Variants in GRIN2A observed in about 807,000 individuals in gnomAD.
The protein encoded by GRIN2A is glutamate receptor ionotropic, NMDA 2A.
In GRIN2A, 22 loss-of-function variants were observed where a neutral mutation model predicts 113.4. The ratio of observed to expected loss-of-function variants is 0.19; its 90% CI spans 0.14 to 0.28. The LOEUF (loss-of-function observed/expected upper bound fraction) is 0.28. Ranked by LOEUF, GRIN2A falls within the 10% of genes least tolerant of loss-of-function variation. GRIN2A has a pLI of 1.00. For missense variants in GRIN2A, 1,502 were observed against 1,887.0 expected (o/e 0.80, Z 3.78); for synonymous variants, 827 against 738.4 (o/e 1.12, Z -1.94).
rs145704068 is a variant in GRIN2A, at chr16:10,170,630, C to A, written c.414+9368G>T. Among the ~76,000 whole-genome samples the A allele has an allele frequency of 9.3e-3, 1,420 of 152,246 alleles. 18 individuals are homozygous for A. Among genetic ancestry groups the A allele is most frequent in the African/African-American group, 0.033 (1,355 of 41,528 alleles). On this transcript the variant is annotated intron_variant, in intron 2 of 12. Coordinates refer to ENST00000330684, the MANE Select transcript of GRIN2A (RefSeq NM_001134407.3). ...GTGGCTTATGCCTGTAATACCAGCA[C>A]TTTGGGAGGCCAAGGGAAGAGGATT...
chr16:10,008,770 T>G (rs908484193), intron 2 of GRIN2A, among the ~76,000 whole-genome samples: 1 of 152,250 alleles, frequency 6.6e-6, no homozygotes, highest in Admixed American at 6.5e-5. Context: ...TCACCATGGA[T>G]GCACATTCCA....
At chr16:10,112,127 G>T in intron 2 of GRIN2A, 1 of 595,560 alleles carries the variant, frequency 1.7e-6, no homozygotes, top group Admixed American at 2.3e-5. Flanking sequence ...GGGCAGCTGT[G>T]GGCACCCATG....
chr16:10,089,491 G>T (rs2048145023), intron 2 of GRIN2A, among the ~76,000 whole-genome samples: 1 of 152,156 alleles, frequency 6.6e-6, no homozygotes, highest in Non-Finnish European at 1.5e-5. Flanking sequence ...CAGGAGGGCA[G>T]TTGATACAGG....
intron 2 of GRIN2A, among the ~76,000 whole-genome samples, chr16:9,985,197 A>G (rs2045958215): frequency 6.6e-6 from 1 of 152,228 alleles, no homozygotes; most frequent in South Asian, 2.1e-4. Context: ...GTCATCAGTA[A>G]GAACAAACCT....
intron 2 of GRIN2A, among the ~76,000 whole-genome samples, chr16:10,009,719 T>A (rs8044069): frequency 0.019 from 2,934 of 151,162 alleles, 106 homozygotes; most frequent in African/African-American, 0.068. Context: ...TCACCCTCAG[T>A]GTTCCCAGTG....
At chr16:9,940,034 GAGAGAGAA>G (rs2044827429) in intron 2 of GRIN2A, among the ~76,000 whole-genome samples, 2 of 137,748 alleles carry the variant, frequency 1.5e-5, no homozygotes, top group Non-Finnish European at 3.3e-5. Flanking sequence ...GAGAGAGAGA[GAGAGAGAA>G]AGAGAGAGAG....
intron 5 of GRIN2A, among the ~76,000 whole-genome samples, chr16:9,845,143 C>T (rs75471000): frequency 7.5e-4 from 114 of 152,216 alleles, no homozygotes; most frequent in African/African-American, 2.6e-3. Flanking sequence ...ACACAGTAAA[C>T]TCCTCATATC....
intron 2 of GRIN2A, among the ~76,000 whole-genome samples, chr16:10,001,595 T>C (rs992390078): frequency 6.6e-6 from 1 of 152,180 alleles, no homozygotes; most frequent in Non-Finnish European, 1.5e-5. Context: ...TGCATGCTCT[T>C]GTATCTTTAG....
chr16:9,896,618 A>G (rs1304079289), intron 3 of GRIN2A, among the ~76,000 whole-genome samples: 1 of 152,026 alleles, frequency 6.6e-6, no homozygotes, highest in Non-Finnish European at 1.5e-5. Context: ...TGGGTGAATG[A>G]CTCCATATAC....
intron 2 of GRIN2A, among the ~76,000 whole-genome samples, chr16:10,014,562 GGACA>G (rs1596416902): frequency 2.0e-5 from 3 of 152,204 alleles, no homozygotes; most frequent in Admixed American, 2.0e-4. Context: ...CAGTCTAGCA[GGACA>G]GACAGAGGCA....
At chr16:9,902,691 T>C (rs530462793) in intron 3 of GRIN2A, among the ~76,000 whole-genome samples, 205 of 152,100 alleles carry the variant, frequency 1.3e-3, no homozygotes, top group Non-Finnish European at 2.4e-3. Context: ...GGGGGGGTGG[T>C]ACCACACACT....
chr16:10,115,714 G>C (rs1439020126), intron 2 of GRIN2A, among the ~76,000 whole-genome samples: 1 of 152,234 alleles, frequency 6.6e-6, no homozygotes, highest in Non-Finnish European at 1.5e-5. Context: ...CATTTTGTGT[G>C]AATGGGGTAT....
At chr16:9,819,498 G>A (rs2042241778) in intron 10 of GRIN2A, among the ~76,000 whole-genome samples, 1 of 151,202 alleles carries the variant, frequency 6.6e-6, no homozygotes, top group Non-Finnish European at 1.5e-5. Flanking sequence ...CTCCAACCTG[G>A]GTGACAGAGT....
chr16:10,151,150 G>A (rs923425164), intron 2 of GRIN2A, among the ~76,000 whole-genome samples: 3 of 152,340 alleles, frequency 2.0e-5, no homozygotes, highest in Admixed American at 1.3e-4. Context: ...CCATCTTGAT[G>A]AGTCTATTAA....
At chr16:10,096,461 T>C (rs1374549647) in intron 2 of GRIN2A, among the ~76,000 whole-genome samples, 2 of 151,988 alleles carry the variant, frequency 1.3e-5, no homozygotes, top group African/African-American at 4.8e-5. Context: ...TTCACTAAAG[T>C]GTGAGAACCA....
intron 2 of GRIN2A, among the ~76,000 whole-genome samples, chr16:10,004,071 G>C (rs72774055): frequency 0.097 from 14,675 of 152,020 alleles, 817 homozygotes; most frequent in African/African-American, 0.12. Context: ...AAAGTTTCAC[G>C]GAGAGGGTTG....
chr16:10,084,153 T>C (rs983970853), intron 2 of GRIN2A, among the ~76,000 whole-genome samples: 4 of 152,110 alleles, frequency 2.6e-5, no homozygotes, highest in African/African-American at 7.2e-5. Flanking sequence ...TTGACAAATA[T>C]CAAAGGCTTA....
chr16:10,023,515 A>C (rs1270313080), intron 2 of GRIN2A, among the ~76,000 whole-genome samples: 1 of 152,218 alleles, frequency 6.6e-6, no homozygotes, highest in African/African-American at 2.4e-5. Flanking sequence ...TCAGGATTCG[A>C]ACACCAATAT....
intron 4 of GRIN2A, among the ~76,000 whole-genome samples, chr16:9,857,743 T>C (rs1020793381): frequency 4.6e-5 from 7 of 152,240 alleles, no homozygotes; most frequent in African/African-American, 1.7e-4. Context: ...TGCCCAATGC[T>C]ATGTGCTATG....
Sources: gnomAD v4.1 joint callset for allele counts (sites outside exome capture counted in the v4.1 genomes callset) on GRCh38, gnomAD v4.1.1 for gene constraint, MANE v1.5 for transcripts, NCBI Gene and HGNC (gene_info 2026-07-23, HGNC 2026-07-21) for gene names.